Variants in DLG1 observed in about 807,000 individuals in gnomAD.
DLG1 encodes discs large MAGUK scaffold protein 1.
A neutral mutation model predicts 123.4 loss-of-function variants in DLG1; 42 were observed. The observed-to-expected ratio is 0.34, with a 90% CI of 0.27 to 0.44. The LOEUF (loss-of-function observed/expected upper bound fraction) is 0.44. DLG1 is among the 20% of genes least tolerant of loss of function. The probability of loss-of-function intolerance (pLI) is 1.00; values close to 1 mark genes in which losing one functional copy is unlikely to be tolerated. For synonymous variants in DLG1, 317 were observed against 356.2 expected (o/e 0.89, Z 1.24); for missense variants, 942 against 1,082.6 (o/e 0.87, Z 1.82).
chr3:197,092,209 G>C (rs1324277403), intron 14 of DLG1, among the ~76,000 whole-genome samples: 1 of 152,150 alleles, frequency 6.6e-6, no homozygotes, highest in Admixed American at 6.5e-5. Context: ...AATATATCAT[G>C]AGTTTATACT....
chr3:197,230,100 C>T lies in DLG1; in HGVS notation c.319-35511G>A, dbSNP rs9876022. Among the ~76,000 whole-genome samples the T allele has an allele frequency of 9.5e-3, 1,444 of 152,248 alleles. 7 individuals carry two copies. The highest frequency in any genetic ancestry group is 0.024 in the Middle Eastern group (7 of 294). On this transcript the variant is annotated intron_variant, in intron 4 of 24. Transcript: ENST00000667157. ...TACCTGCTAGAATGACAATTTAAGG[C>T]TATCAGGCAAGCTTTAAAACAGTTT...
At position 197,238,201 on chromosome 3, in the gene DLG1, A is replaced by G. The variant is rs1202919335; in HGVS notation, c.319-43612T>C. Among the ~76,000 whole-genome samples the G allele has an allele frequency of 2.0e-5, 3 of 152,206 alleles. No individual in the cohort carries two copies. The East Asian group carries it at 5.8e-4, about 29-fold the overall frequency. ...AAATGAGCCAAAACACAGGGTTTAAATAAGATCTAGCGTCTCATAATACAA... is the reference window on the plus strand; with the variant it reads ...AAATGAGCCAAAACACAGGGTTTAAGTAAGATCTAGCGTCTCATAATACAA... On this transcript the variant is annotated intron_variant, in intron 4 of 24. Coordinates refer to ENST00000667157, the MANE Select transcript of DLG1 (RefSeq NM_001366207.1).
chr3:197,281,551 G>A (rs1350306760), intron 4 of DLG1, among the ~76,000 whole-genome samples: 3 of 152,116 alleles, frequency 2.0e-5, no homozygotes, highest in Non-Finnish European at 2.9e-5. Flanking sequence ...AGCAAGTGAT[G>A]TATTAACCCA....
chr3:197,187,081 T>A (rs1716518592), intron 5 of DLG1, among the ~76,000 whole-genome samples: 1 of 152,228 alleles, frequency 6.6e-6, no homozygotes, highest in Admixed American at 6.5e-5. Flanking sequence ...AAGACAAGAC[T>A]GAGAAGAGTG....
chr3:197,107,607 T>C (rs1767308047), intron 13 of DLG1, among the ~76,000 whole-genome samples: 1 of 152,070 alleles, frequency 6.6e-6, no homozygotes, highest in African/African-American at 2.4e-5. Context: ...TGTTGATCCA[T>C]GTCCTTAAAT....
At chr3:197,122,134 T>C (rs1438551496) in intron 11 of DLG1, among the ~76,000 whole-genome samples, 3 of 151,960 alleles carry the variant, frequency 2.0e-5, no homozygotes, top group Admixed American at 1.3e-4. Context: ...ATATAATATA[T>C]ATTATAAGGA....
chr3:197,184,167 T>C (rs1714340793), intron 5 of DLG1: 3 of 1,016,170 alleles, frequency 3.0e-6, no homozygotes, highest in East Asian at 8.4e-5. Flanking sequence ...GTGAGGTCGA[T>C]TAGCAGGTAA....
chr3:197,298,495 G>C, intron 1 of DLG1, 41 bp downstream of exon 1: 1 of 398,752 alleles, frequency 2.5e-6, no homozygotes, highest in Admixed American at 4.4e-5. Context: ...TGTCTGAAGA[G>C]AGGCGTGACC....
At chr3:197,095,982 C>T (rs1760425801) in intron 14 of DLG1, among the ~76,000 whole-genome samples, 1 of 152,126 alleles carries the variant, frequency 6.6e-6, no homozygotes, top group Admixed American at 6.5e-5. Flanking sequence ...TGCCTGACTC[C>T]TGGGGAACCT....
At chr3:197,197,815 T>A (rs181444644) in intron 4 of DLG1, among the ~76,000 whole-genome samples, 8 of 152,180 alleles carry the variant, frequency 5.3e-5, no homozygotes, top group African/African-American at 1.9e-4. Context: ...ATCAATGGAA[T>A]TGAATAAAGA....
chr3:197,231,694 T>C (rs1419234719), intron 4 of DLG1, among the ~76,000 whole-genome samples: 1 of 75,796 alleles, frequency 1.3e-5, no homozygotes, highest in African/African-American at 4.4e-5. Flanking sequence ...AACCAGACCC[T>C]GTTAAAAAAA....
At chr3:197,102,058 A>C (rs997398030) in intron 14 of DLG1, among the ~76,000 whole-genome samples, 3 of 152,168 alleles carry the variant, frequency 2.0e-5, no homozygotes, top group African/African-American at 4.8e-5. Flanking sequence ...CGTCCAGCTA[A>C]TTTCTGATAA....
At chr3:197,093,164 TC>T (rs1454673836) in intron 14 of DLG1, among the ~76,000 whole-genome samples, 14 of 152,000 alleles carry the variant, frequency 9.2e-5, no homozygotes, top group African/African-American at 2.2e-4. Flanking sequence ...ACATTTCTTT[TC>T]TTTTTGTTTT....
chr3:197,125,144 G>A (rs1277646024), intron 11 of DLG1, among the ~76,000 whole-genome samples: 3 of 151,994 alleles, frequency 2.0e-5, no homozygotes, highest in South Asian at 2.1e-4. Context: ...TTCTCTTCTG[G>A]GTGCTTATAT....
intron 4 of DLG1, among the ~76,000 whole-genome samples, chr3:197,236,658 G>C (rs977881363): frequency 5.9e-5 from 9 of 152,250 alleles, no homozygotes; most frequent in African/African-American, 1.9e-4. Flanking sequence ...TGTCCCTAAA[G>C]GGGGACAGGG....
chr3:197,235,462 T>TAAGCTGAGGAGTG (rs1453736467), intron 4 of DLG1, among the ~76,000 whole-genome samples: 1 of 152,188 alleles, frequency 6.6e-6, no homozygotes, highest in African/African-American at 2.4e-5. Context: ...GAGCTCACAG[T>TAAGCTGAGGAGTG]AAGCTGAGGA....
intron 4 of DLG1, among the ~76,000 whole-genome samples, chr3:197,199,680 C>T (rs574887692): frequency 4.4e-4 from 67 of 152,172 alleles, no homozygotes; most frequent in Non-Finnish European, 7.6e-4. Flanking sequence ...GCCATCATTA[C>T]ATTACACAGC....
At chr3:197,050,402 A>G (rs1303269567) in intron 24 of DLG1, among the ~76,000 whole-genome samples, 2 of 151,842 alleles carry the variant, frequency 1.3e-5, no homozygotes, top group Non-Finnish European at 2.9e-5. Context: ...CCCCAAAAAA[A>G]CCCAACAACA....
chr3:197,101,678 C>T (rs181329980), intron 14 of DLG1, among the ~76,000 whole-genome samples: 30 of 152,258 alleles, frequency 2.0e-4, no homozygotes, highest in East Asian at 1.7e-3. Context: ...CGTGAGCCAC[C>T]GCGCCTGGCC....
Sources: allele counts gnomAD v4.1 joint callset (sites outside exome capture counted in the v4.1 genomes callset), GRCh38; gene constraint gnomAD v4.1.1; transcripts MANE v1.5; gene names NCBI Gene and HGNC (gene_info 2026-07-23, HGNC 2026-07-21).